Variants in NPNT observed in about 807,000 individuals in gnomAD.
The protein encoded by NPNT is nephronectin.
NPNT carries 45 observed loss-of-function variants against 68.6 expected under a neutral mutation model. The observed-to-expected ratio is 0.66, with a 90% CI of 0.52 to 0.84. The LOEUF is 0.84. NPNT is among the 40% of genes least tolerant of loss of function. NPNT has a pLI of 0.00. For synonymous variants in NPNT, 233 were observed against 253.3 expected (o/e 0.92, Z 0.76); for missense variants, 672 against 714.8 (o/e 0.94, Z 0.68).
chr4:105,940,397 A>G, intron 6 of NPNT, 117 bp from the exon 7 acceptor site: 10 of 1,122,244 alleles, frequency 8.9e-6, no homozygotes, highest in Non-Finnish European at 1.2e-5. Context: ...TTTATCTGCC[A>G]ATATTATGTA....
chr4:105,916,415 G>C (rs1029679655), intron 2 of NPNT, among the ~76,000 whole-genome samples: 15 of 151,434 alleles, frequency 9.9e-5, no homozygotes, highest in African/African-American at 3.4e-4. Context: ...GTAGAGACGG[G>C]TTTGCCATAT....
At chr4:105,962,826 T>C (rs1731826947) in intron 10 of NPNT, among the ~76,000 whole-genome samples, 2 of 151,998 alleles carry the variant, frequency 1.3e-5, no homozygotes, top group African/African-American at 4.8e-5. Flanking sequence ...TTTTTTATTC[T>C]AGGAAATTCA....
chr4:105,900,479 T>C (rs1726309585), intron 2 of NPNT, among the ~76,000 whole-genome samples: 1 of 152,252 alleles, frequency 6.6e-6, no homozygotes, highest in African/African-American at 2.4e-5. Flanking sequence ...CAAATGTACG[T>C]ATCTGTACAA....
At chr4:105,923,389 T>G (rs1009742714) in intron 2 of NPNT, among the ~76,000 whole-genome samples, 3 of 152,194 alleles carry the variant, frequency 2.0e-5, no homozygotes, top group African/African-American at 7.2e-5. Context: ...ATTTCTGTAC[T>G]AGGATCTACT....
intron 10 of NPNT, among the ~76,000 whole-genome samples, chr4:105,963,222 CA>C (rs916702146): frequency 3.9e-4 from 58 of 149,674 alleles, no homozygotes; most frequent in Non-Finnish European, 7.1e-4. Context: ...AAGACTCCGT[CA>C]AAAAAAAATA....
chr4:105,920,405 A>AAAAAAAAAAAAAAAC, intron 2 of NPNT, among the ~76,000 whole-genome samples: 1 of 151,124 alleles, frequency 6.6e-6, no homozygotes, highest in African/African-American at 2.4e-5. Flanking sequence ...TAAAAAAAAA[A>AAAAAAAAAAAAAAAC]AAAAAAAAAA....
intron 4 of NPNT, among the ~76,000 whole-genome samples, chr4:105,938,044 A>G (rs986951725): frequency 6.6e-6 from 1 of 152,134 alleles, no homozygotes; most frequent in Non-Finnish European, 1.5e-5. Context: ...AGTAATCTGG[A>G]AAAATACCTC....
intron 7 of NPNT, among the ~76,000 whole-genome samples, 178 bp from the exon 8 acceptor site, chr4:105,942,129 A>C (rs1730013037): frequency 2.1e-5 from 3 of 144,118 alleles, no homozygotes; most frequent in Non-Finnish European, 4.6e-5. Context: ...ATATATATAT[A>C]TATATATACA....
intron 3 of NPNT, among the ~76,000 whole-genome samples, chr4:105,936,250 A>G (rs1729484947): frequency 6.6e-6 from 1 of 152,220 alleles, no homozygotes; most frequent in Non-Finnish European, 1.5e-5. Flanking sequence ...TAACTGCGGA[A>G]TAAATGAAAA....
At chr4:105,967,892 A>C (rs774881617) in intron 11 of NPNT, among the ~76,000 whole-genome samples, 7 of 152,102 alleles carry the variant, frequency 4.6e-5, no homozygotes, top group Non-Finnish European at 7.4e-5. Context: ...TTTCAAGTTC[A>C]AATTTTTTTC....
At chr4:105,938,069 C>T (rs1729632700) in intron 4 of NPNT, among the ~76,000 whole-genome samples, 1 of 152,164 alleles carries the variant, frequency 6.6e-6, no homozygotes. Flanking sequence ...CTTCACTTTC[C>T]TTGGCCACTG....
chr4:105,931,325 G>T (rs1482906374), intron 3 of NPNT, among the ~76,000 whole-genome samples: 1 of 152,060 alleles, frequency 6.6e-6, no homozygotes, highest in Non-Finnish European at 1.5e-5. Context: ...ATTTATAAAT[G>T]TCAATTCCTA....
chr4:105,945,142 G>T lies in NPNT; in HGVS notation c.1159+2440G>T, dbSNP rs1730278408. Among the ~76,000 whole-genome samples the T allele has an allele frequency of 3.3e-5, 5 of 150,742 alleles. No individual in the cohort carries two copies. In the South Asian group the frequency reaches 1.1e-3, roughly 32 times the overall value. On this transcript the variant is annotated intron_variant, in intron 8 of 11. Transcript: ENST00000379987. ...CTTTGTGTTTTTCTTTACATTGAAA[G>T]ATATTTTTAAATTGATTTTTAATTG... is the stretch of plus-strand genomic sequence containing the variant.
chr4:105,931,362 A>T (rs143935966), intron 3 of NPNT, among the ~76,000 whole-genome samples: 3 of 152,270 alleles, frequency 2.0e-5, no homozygotes, highest in East Asian at 1.9e-4. Flanking sequence ...TATGTTTCAT[A>T]TGTTGAATTC....
chr4:105,966,405 T>C (rs1732141742), intron 10 of NPNT, among the ~76,000 whole-genome samples: 2 of 152,182 alleles, frequency 1.3e-5, no homozygotes, highest in South Asian at 4.1e-4. Context: ...GAGAACATCA[T>C]CAAAGTGGTC....
At chr4:105,909,658 G>C (rs1727195734) in intron 2 of NPNT, among the ~76,000 whole-genome samples, 2 of 152,112 alleles carry the variant, frequency 1.3e-5, no homozygotes, top group South Asian at 4.2e-4. Flanking sequence ...TACAGAGTTA[G>C]GTAGTTTTCT....
In NPNT at chr4:105,895,613, C is replaced by T. The variant is rs1163376174; in HGVS notation, c.-40C>T. 5.9e-6 allele frequency: 9 copies of T among 1,528,060 alleles called. No individual in the cohort carries two copies. In the African/African-American group the frequency reaches 9.7e-5, roughly 16 times the overall value. The allele number at this position is 1,528,060 out of a possible 1,614,324, so 94.7% of individuals were successfully genotyped here. A position where few individuals can be genotyped will look rare whatever the true frequency, so the allele number is the denominator to read the frequency against. On this transcript the variant is annotated 5_prime_UTR_variant, in exon 1 of 12. Coordinates refer to ENST00000379987, the MANE Select transcript of NPNT (RefSeq NM_001033047.3). The stretch of plus-strand genomic sequence containing the variant: ...GCGCCCACCACCCCAACCTGTTCCT[C>T]GCGCGCCACTGCGCTGCGCCCCAGG...
chr4:105,905,089 G>A (rs1726777528), intron 2 of NPNT, among the ~76,000 whole-genome samples: 1 of 149,918 alleles, frequency 6.7e-6, no homozygotes, highest in African/African-American at 2.5e-5. Context: ...TTTTTTTCTA[G>A]ACTTATAACC....
intron 2 of NPNT, among the ~76,000 whole-genome samples, chr4:105,921,125 A>G (rs1168595074): frequency 6.6e-6 from 1 of 152,168 alleles, no homozygotes; most frequent in Non-Finnish European, 1.5e-5. Flanking sequence ...CCTTTTAAGA[A>G]GTATTTAAGT....
Sources: allele counts gnomAD v4.1 joint callset (sites outside exome capture counted in the v4.1 genomes callset), GRCh38; gene constraint gnomAD v4.1.1; transcripts MANE v1.5; gene names NCBI Gene and HGNC (gene_info 2026-07-23, HGNC 2026-07-21).